Variants in SNAI3 observed in about 807,000 individuals in gnomAD.
The protein encoded by SNAI3 is zinc finger protein SNAI3.
In SNAI3, 21 loss-of-function variants were observed where a neutral mutation model predicts 16.4. That is an observed-to-expected ratio of 1.28 (90% CI 0.91 to 1.85). The LOEUF (loss-of-function observed/expected upper bound fraction) is 1.85. Among genes scored for constraint, SNAI3 ranks in the 40% most tolerant of loss-of-function variants. The probability of loss-of-function intolerance (pLI) is 0.00; values close to 1 mark genes in which losing one functional copy is unlikely to be tolerated. For synonymous variants in SNAI3, 202 were observed against 166.6 expected (o/e 1.21, Z -1.64); for missense variants, 457 against 372.8 (o/e 1.23, Z -1.86).
chr16:88,679,190 G>T, intron 2 of SNAI3: 1 of 763,768 alleles, frequency 1.3e-6, no homozygotes, highest in Non-Finnish European at 1.6e-6. Context: ...CTGCATTCCT[G>T]CTGGTGGGAC....
At chr16:88,683,114 C>T (rs1393025928) in intron 1 of SNAI3, among the ~76,000 whole-genome samples, 1 of 116,604 alleles carries the variant, frequency 8.6e-6, no homozygotes, top group Non-Finnish European at 1.7e-5. Context: ...GAGACAGAGT[C>T]TTGCTCTGTC....
chr16:88,679,706 G>T (rs1294750291), intron 2 of SNAI3, among the ~76,000 whole-genome samples: 1 of 136,694 alleles, frequency 7.3e-6, no homozygotes, highest in African/African-American at 2.8e-5. Context: ...GGCTTGCAGT[G>T]AGCTGACATA....
intron 1 of SNAI3, among the ~76,000 whole-genome samples, chr16:88,682,999 G>A (rs572285670): frequency 3.3e-5 from 5 of 150,832 alleles, no homozygotes; most frequent in East Asian, 2.0e-4. Context: ...GAATGGTCTC[G>A]ATCTCCTGAC....
chr16:88,685,697 C>G (rs1597394957), intron 1 of SNAI3: 1 of 152,696 alleles, frequency 6.5e-6, no homozygotes, highest in Admixed American at 6.5e-5. Flanking sequence ...GATTGCAGCC[C>G]TTTAGCCCAG....
intron 1 of SNAI3, chr16:88,686,093 T>TC: frequency 1.8e-6 from 1 of 547,376 alleles, no homozygotes; most frequent in Non-Finnish European, 3.2e-6. Context: ...AGAAAACTTC[T>TC]CCAAGTTGGG....
chr16:88,678,433 C>T lies in SNAI3; in HGVS notation c.*15G>A, dbSNP rs181075744. On this transcript the variant is annotated 3_prime_UTR_variant, in exon 3 of 3. Coordinates refer to ENST00000332281, the MANE Select transcript of SNAI3 (RefSeq NM_178310.4). Reference sequence around the variant, plus strand: ...GTGAGGACCATCCCTCCTACCTGCGCCGACCACGTGCCTCTCAGGGGCCCG... The same window carrying T: ...GTGAGGACCATCCCTCCTACCTGCGTCGACCACGTGCCTCTCAGGGGCCCG... The T allele has an allele frequency of 7.8e-5, 59 of 759,668 alleles. 1 individual carries two copies. In the African/African-American group the frequency reaches 8.6e-4, roughly 11 times the overall value. 47.1% of individuals were successfully genotyped at this position (759,668 alleles called of 1,614,324 possible).
At chr16:88,682,822 T>TGG (rs1909224489) in intron 1 of SNAI3, among the ~76,000 whole-genome samples, 1 of 135,476 alleles carries the variant, frequency 7.4e-6, no homozygotes, top group Non-Finnish European at 1.5e-5. Context: ...GTTGCCAGGC[T>TGG]GGAGTGCAGT....
chr16:88,681,107 G>C lies in SNAI3; in HGVS notation c.684C>G (p.Val228=). ...FSRPWLLQGH[V]RTHTGEKPYA... is the part of the protein sequence containing the mutation. ...ACCCTGTCCTACCTGTGTGGGTGCG[G>C]ACATGGCCCTGCAGTAACCAGGGCC... The change falls in exon 2 of 3, where the codon GTC becomes GTG. Residue 228 remains valine, a synonymous_variant. Coordinates refer to ENST00000332281, the MANE Select transcript of SNAI3 (RefSeq NM_178310.4). This position sits in a 1 kb window ranked among gnomAD's most constrained non-coding sequence, Gnocchi z 5.4. The C allele has an allele frequency of 6.2e-7, 1 of 1,611,442 alleles. No homozygotes were observed. Among genetic ancestry groups the C allele is most frequent in the Non-Finnish European group, 8.5e-7 (1 of 1,178,488 alleles).
At chr16:88,682,823 G>A (rs985941321) in intron 1 of SNAI3, among the ~76,000 whole-genome samples, 16 of 128,938 alleles carry the variant, frequency 1.2e-4, no homozygotes, top group Non-Finnish European at 2.2e-4. Flanking sequence ...TTGCCAGGCT[G>A]GAGTGCAGTG....
chr16:88,679,232 C>T (rs973896918), intron 2 of SNAI3, among the ~76,000 whole-genome samples: 5 of 152,186 alleles, frequency 3.3e-5, no homozygotes, highest in African/African-American at 1.2e-4. Context: ...GCCAGCCTCC[C>T]GCAGGGCCTC....
At chr16:88,680,472 G>C (rs1158864319) in intron 2 of SNAI3, among the ~76,000 whole-genome samples, 3 of 152,000 alleles carry the variant, frequency 2.0e-5, no homozygotes, top group Non-Finnish European at 4.4e-5. Context: ...TTTTAGCAGA[G>C]ACAGAGTTTC....
chr16:88,680,279 T>TTC (rs2142943167), intron 2 of SNAI3, among the ~76,000 whole-genome samples: 1 of 116,342 alleles, frequency 8.6e-6, no homozygotes, highest in East Asian at 2.5e-4. Context: ...TTTTTGATTT[T>TTC]TTTTTTTTTT....
intron 1 of SNAI3, among the ~76,000 whole-genome samples, chr16:88,684,258 C>A (rs575995550): frequency 5.9e-5 from 9 of 152,326 alleles, no homozygotes; most frequent in Non-Finnish European, 1.2e-4. Context: ...GTCACCATTT[C>A]TTTTTTCCAT....
Position 88,681,362 on chromosome 16 carries a change from C to A in SNAI3, c.429G>T (p.Glu143Asp). ...HGAPEKLLGA[E>D]RMPRAPGGFE... is the part of the protein sequence containing the mutation. ...AGCCGCCCGGGGCTCGGGGCATCCG[C>A]TCAGCCCCAAGCAGTTTTTCCGGAG... Residue 143 changes from glutamate (E) to aspartate (D), a missense_variant, in exon 2 of 3, where the codon GAG becomes GAT. Glu to Asp is a conservative substitution (Grantham distance 45). Coordinates refer to ENST00000332281, the MANE Select transcript of SNAI3 (RefSeq NM_178310.4). This position sits in a 1 kb window ranked among gnomAD's most constrained non-coding sequence, Gnocchi z 5.4. The A allele has an allele frequency of 6.2e-7, 1 of 1,612,916 alleles. No individual in the cohort carries two copies. Among genetic ancestry groups the A allele is most frequent in the Middle Eastern group, 1.6e-4 (1 of 6,062 alleles).
chr16:88,681,624 GGAAGGTC>G lies in SNAI3; in HGVS notation c.160_166del (p.Asp54ProfsTer54), dbSNP rs990691149. ...GGCCGAGGAGCGGTCCCAGGGCTGG[GGAAGGTC>G]ACCGGGCACAGAAGGGGCCTCCTTG... On this transcript the variant is annotated frameshift_variant, in exon 2 of 3. Coordinates refer to ENST00000332281, the MANE Select transcript of SNAI3 (RefSeq NM_178310.4). LOFTEE classifies it high-confidence loss of function. The surrounding 1 kb of genome is among the most constrained non-coding windows in gnomAD (Gnocchi z 5.4). The G allele has an allele frequency of 6.7e-7, 1 of 1,484,564 alleles. No homozygotes were observed. The allele number at this position is 1,484,564 out of a possible 1,614,324, so 92.0% of individuals were successfully genotyped here.
At chr16:88,682,885 C>T (rs1909227023) in intron 1 of SNAI3, among the ~76,000 whole-genome samples, 1 of 147,108 alleles carries the variant, frequency 6.8e-6, no homozygotes, top group South Asian at 2.2e-4. Flanking sequence ...AGCGATTCTC[C>T]TGCCTCAGCC....
intron 1 of SNAI3, 180 bp downstream of exon 1, chr16:88,686,125 CGGAGGCGGGGCTCAGTGCCCTGAAGT>C: frequency 1.7e-6 from 1 of 586,752 alleles, no homozygotes; most frequent in Non-Finnish European, 2.9e-6. Context: ...CCCGCCCTGC[CGGAGGCGGGGCTCAGTGCCCTGAAGT>C]GGAGGCGCCC....
chr16:88,683,939 AG>A (rs2142948411), intron 1 of SNAI3, among the ~76,000 whole-genome samples: 1 of 152,348 alleles, frequency 6.6e-6, no homozygotes, highest in South Asian at 2.1e-4. Context: ...CAATGCCATC[AG>A]GGAAGCCCAA....
At position 88,681,027 on chromosome 16, in the gene SNAI3, C is replaced by T; in HGVS notation, c.697+67G>A. On this transcript the variant is annotated intron_variant, in intron 2 of 2. Transcript: ENST00000332281. The surrounding 1 kb of genome is among the most constrained non-coding windows in gnomAD (Gnocchi z 5.4). ...TTATAAAATCACCCCTCCTCCTTTTCTAACTCCCGCAGCCCACCCTCTTCC... is the reference window on the plus strand; with the variant it reads ...TTATAAAATCACCCCTCCTCCTTTTTTAACTCCCGCAGCCCACCCTCTTCC... 6.4e-7 allele frequency: 1 copy of T among 1,552,414 alleles called. No homozygotes were observed. The highest frequency in any genetic ancestry group is 8.7e-7 in the Non-Finnish European group (1 of 1,145,870).
Sources: gnomAD v4.1 joint callset for allele counts (sites outside exome capture counted in the v4.1 genomes callset) on GRCh38, gnomAD v4.1.1 for gene constraint, Gnocchi (gnomAD v3.1) non-coding constraint, MANE v1.5 for transcripts, NCBI Gene and HGNC (gene_info 2026-07-23, HGNC 2026-07-21) for gene names.